CCL26: variants seen among roughly 807,000 people sequenced by gnomAD.
CCL26 encodes the protein C-C motif chemokine ligand 26, also known as C-C motif chemokine 26.
CCL26 carries 10 observed loss-of-function variants against 10.7 expected under a neutral mutation model. The ratio of observed to expected loss-of-function variants is 0.93; its 90% CI spans 0.57 to 1.58. The LOEUF (loss-of-function observed/expected upper bound fraction) is 1.58. Ranked by LOEUF, CCL26 falls within the 40% of genes most tolerant of loss-of-function variation. The pLI, the probability that CCL26 is intolerant of heterozygous loss-of-function variation, is 0.00. For synonymous variants in CCL26, 43 were observed against 41.4 expected (o/e 1.04, Z -0.15); for missense variants, 116 against 111.0 (o/e 1.05, Z -0.20).
chr7:75,790,560 T>C (rs1554530700), upstream of CCL26, among the ~76,000 whole-genome samples: 1 of 152,064 alleles, frequency 6.6e-6, no homozygotes, highest in Non-Finnish European at 1.5e-5. Context: ...CTGCTGTGCC[T>C]GGCCTCTTAT....
At chr7:75,774,206 A>G (rs548046443), upstream of CCL26, among the ~76,000 whole-genome samples, 4 of 152,280 alleles carry the variant, frequency 2.6e-5, no homozygotes, top group South Asian at 6.2e-4. Context: ...CTGGAGTGCT[A>G]TGGCACAATC....
chr7:75,781,951 C>A (rs891681390), intron 1 of CCL26, among the ~76,000 whole-genome samples: 5 of 152,138 alleles, frequency 3.3e-5, no homozygotes, highest in Non-Finnish European at 7.3e-5. Flanking sequence ...GTGCTGAAGA[C>A]CCAGGTCAGT....
At chr7:75,778,848 T>TCGGGGGG (rs59030718) in intron 1 of CCL26, among the ~76,000 whole-genome samples, 2 of 149,138 alleles carry the variant, frequency 1.3e-5, no homozygotes, top group Non-Finnish European at 3.0e-5. Context: ...GAGGCCAAGG[T>TCGGGGGG]GGGGGGGGCA....
At chr7:75,776,068 CTTTTTTTT>C (rs534170968), upstream of CCL26, among the ~76,000 whole-genome samples, 3 of 99,644 alleles carry the variant, frequency 3.0e-5, no homozygotes, top group Non-Finnish European at 6.1e-5. Context: ...AGTTCACACT[CTTTTTTTT>C]TTTTTTTTTT....
chr7:75,789,879 T>A (rs1415993435), exon 1 of CCL26: 1 of 152,006 alleles, frequency 6.6e-6, no homozygotes, highest in East Asian at 1.9e-4. Flanking sequence ...CCCAAATAAC[T>A]CACATTTCTG....
rs576456220 is a variant in CCL26, at chr7:75,778,855, G to A, written c.-78-6601C>T. On this transcript the variant is annotated intron_variant, in intron 1 of 3. Coordinates refer to the CCL26 transcript ENST00000394905. ...CACTTTGGGAGGCCAAGGTGGGGGG[G>A]GCAGATCACTAGGTCAGGAGTTCAA... Among the ~76,000 whole-genome samples, 12 of 151,958 alleles carry A rather than the reference G, an allele frequency of 7.9e-5. No individual in the cohort carries two copies. The South Asian group carries it at 2.1e-3, about 26-fold the overall frequency.
At chr7:75,790,037 C>T (rs1188432734), upstream of CCL26, 2 of 102,226 alleles carry the variant, frequency 2.0e-5, no homozygotes, top group African/African-American at 7.6e-5. Context: ...TTCCTTCCCT[C>T]CATTCCTCCC....
At chr7:75,784,365 C>T (rs1554529747) in intron 1 of CCL26, among the ~76,000 whole-genome samples, 1 of 152,232 alleles carries the variant, frequency 6.6e-6, no homozygotes, top group Admixed American at 6.5e-5. Context: ...CTCTGACTGA[C>T]TCCTTCCCAG....
chr7:75,775,840 T>A (rs28513323), upstream of CCL26, among the ~76,000 whole-genome samples: 1 of 135,460 alleles, frequency 7.4e-6, no homozygotes, highest in East Asian at 2.0e-4. Flanking sequence ...TTCCTTTTTT[T>A]AGTTTTTTTT....
upstream of CCL26, among the ~76,000 whole-genome samples, chr7:75,791,157 G>T (rs1415232150): frequency 1.3e-5 from 2 of 151,668 alleles, no homozygotes; most frequent in African/African-American, 4.8e-5. Flanking sequence ...CTCCCGAGTA[G>T]CTGGGATTAC....
intron 1 of CCL26, among the ~76,000 whole-genome samples, chr7:75,779,323 C>G (rs1394888405): frequency 6.6e-6 from 1 of 152,200 alleles, no homozygotes; most frequent in Non-Finnish European, 1.5e-5. Context: ...GGTGCTGTGA[C>G]TCGGATCGGG....
At chr7:75,784,578 C>T (rs543256731) in intron 1 of CCL26, among the ~76,000 whole-genome samples, 20 of 152,258 alleles carry the variant, frequency 1.3e-4, no homozygotes, top group African/African-American at 3.9e-4. Context: ...ATATTGATGG[C>T]CAGGCTTCTA....
upstream of CCL26, among the ~76,000 whole-genome samples, chr7:75,772,514 G>A (rs572594145): frequency 6.6e-6 from 1 of 151,958 alleles, no homozygotes; most frequent in Non-Finnish European, 1.5e-5. Context: ...AAAATTGGCC[G>A]GGCATGGTGG....
At chr7:75,786,954 T>C (rs1160079702) in intron 1 of CCL26, among the ~76,000 whole-genome samples, 1 of 152,214 alleles carries the variant, frequency 6.6e-6, no homozygotes, top group Non-Finnish European at 1.5e-5. Flanking sequence ...CAGGGTTCCA[T>C]CTGCTATTCT....
At chr7:75,770,234 GAA>G (rs782245784) in intron 2 of CCL26, among the ~76,000 whole-genome samples, 1 of 150,342 alleles carries the variant, frequency 6.7e-6, no homozygotes, top group African/African-American at 2.5e-5. Flanking sequence ...CACACCCAGC[GAA>G]TTTCTGTGTT....
upstream of CCL26, among the ~76,000 whole-genome samples, chr7:75,772,810 T>C (rs1292511698): frequency 6.6e-6 from 1 of 152,222 alleles, no homozygotes; most frequent in Non-Finnish European, 1.5e-5. Flanking sequence ...TTCCCAGTGC[T>C]GTTGGCTGAG....
In CCL26 at chr7:75,769,677, T is replaced by G; in HGVS notation, c.*16A>C. 1 of 1,568,626 alleles carries G rather than the reference T, an allele frequency of 6.4e-7. No individual in the cohort carries two copies. Among genetic ancestry groups the G allele is most frequent in the Non-Finnish European group, 8.8e-7 (1 of 1,138,594 alleles). ...AGAGCGGGGTCCAAGCGTCCTCGGA[T>G]GAAAATTCAGCTGAGTCACAATTGT... On this transcript the variant is annotated 3_prime_UTR_variant, in exon 3 of 3. Coordinates refer to ENST00000005180, the MANE Select transcript of CCL26 (RefSeq NM_001371938.1).
chr7:75,787,517 C>T (rs1803223627), intron 1 of CCL26, among the ~76,000 whole-genome samples: 1 of 151,748 alleles, frequency 6.6e-6, no homozygotes, highest in South Asian at 2.1e-4. Flanking sequence ...TGGTGGCAGG[C>T]ACCTGTAGTC....
At chr7:75,786,326 G>A (rs1460798282) in intron 1 of CCL26, among the ~76,000 whole-genome samples, 2 of 152,134 alleles carry the variant, frequency 1.3e-5, no homozygotes, top group Non-Finnish European at 2.9e-5. Context: ...CACCAAAAAA[G>A]GCAGGCTATG....
Sources: allele counts gnomAD v4.1 joint callset (sites outside exome capture counted in the v4.1 genomes callset), GRCh38; gene constraint gnomAD v4.1.1; transcripts MANE v1.5; gene names NCBI Gene and HGNC (gene_info 2026-07-23, HGNC 2026-07-21).